Variants in AR observed in about 807,000 individuals in gnomAD.
The protein encoded by AR is dihydrotestosterone receptor.
AR carries 8 observed loss-of-function variants against 53.9 expected under a neutral mutation model. The ratio of observed to expected loss-of-function variants is 0.15; its 90% CI spans 0.09 to 0.27. The LOEUF is 0.27. Among genes scored for constraint, AR ranks in the 10% least tolerant of loss-of-function variants. The probability of loss-of-function intolerance (pLI) is 1.00; values close to 1 mark genes in which losing one functional copy is unlikely to be tolerated. For synonymous variants in AR, 359 were observed against 316.4 expected, an observed-to-expected ratio of 1.13 and a Z score of -1.43; for missense variants, 639 against 742.5, an observed-to-expected ratio of 0.86 and a Z score of 1.62.
Position 67,551,010 on chromosome X carries a change from T to G in AR, c.1616+4248T>G, listed in dbSNP as rs1005610921. On this transcript the variant is annotated intron_variant, in intron 1 of 7. Transcript: ENST00000374690. ...CAAAATGAATAGCTGGGTTTTTTTT[T>G]TTTTTTTTTTTTTTACCTTGAGGTT... 1.7e-4 allele frequency among the ~76,000 whole-genome samples: 18 copies of G among 103,552 alleles called. No individual in the cohort carries two copies. The East Asian group carries it at 4.7e-3, about 27-fold the overall frequency. The allele number at this position is 103,552 out of a possible 115,157, so 89.9% of individuals were successfully genotyped here.
chrX:67,548,410 CA>C (rs747808815), intron 1 of AR, among the ~76,000 whole-genome samples: 3 of 111,300 alleles, frequency 2.7e-5, no homozygotes, highest in African/African-American at 9.8e-5. Flanking sequence ...TGCTATGGGA[CA>C]AAAAAAGTAT....
chrX:67,708,627 C>A (rs898467441), intron 3 of AR, among the ~76,000 whole-genome samples: 4 of 111,763 alleles, frequency 3.6e-5, no homozygotes, highest in African/African-American at 1.3e-4. Context: ...TCATCTGAAG[C>A]CTTCTCTCAA....
At chrX:67,570,827 T>C in intron 1 of AR, among the ~76,000 whole-genome samples, 1 of 111,127 alleles carries the variant, frequency 9.0e-6, no homozygotes, top group East Asian at 2.9e-4. Context: ...TTACTACAGA[T>C]GGTGTCTTAG....
At chrX:67,640,198 G>A (rs1461253951) in intron 1 of AR, among the ~76,000 whole-genome samples, 1 of 111,369 alleles carries the variant, frequency 9.0e-6, no homozygotes, top group Non-Finnish European at 1.9e-5. Context: ...GCTTTTTGAT[G>A]TGCTGCTGGA....
intron 2 of AR, among the ~76,000 whole-genome samples, chrX:67,673,891 T>C (rs567864639): frequency 9.0e-6 from 1 of 111,287 alleles, no homozygotes; most frequent in Admixed American, 9.6e-5. Flanking sequence ...TAGATGTTTA[T>C]TGTAGTCTTC....
intron 1 of AR, among the ~76,000 whole-genome samples, chrX:67,632,612 A>G (rs1410921524): frequency 8.9e-6 from 1 of 111,932 alleles, no homozygotes; most frequent in African/African-American, 3.2e-5. Context: ...TGCTTCGCTC[A>G]TGCTGGGAGC....
chrX:67,622,579 G>A (rs1383100341), intron 1 of AR, among the ~76,000 whole-genome samples: 1 of 111,918 alleles, frequency 8.9e-6, no homozygotes, highest in Non-Finnish European at 1.9e-5. Context: ...GATGCATAGT[G>A]ACAAGTAATT....
intron 2 of AR, among the ~76,000 whole-genome samples, chrX:67,671,834 A>G (rs748098975): frequency 4.8e-4 from 54 of 111,807 alleles, no homozygotes; most frequent in African/African-American, 1.6e-3. Flanking sequence ...AGTTTTCCCA[A>G]CACCATTTAT....
intron 1 of AR, among the ~76,000 whole-genome samples, chrX:67,637,576 A>G: frequency 9.2e-6 from 1 of 108,405 alleles, no homozygotes; most frequent in Admixed American, 1.0e-4. Context: ...CCAGTCTATC[A>G]TTGTTGGACA....
At chrX:67,708,431 G>A (rs1243996906) in intron 3 of AR, among the ~76,000 whole-genome samples, 4 of 111,340 alleles carry the variant, frequency 3.6e-5, no homozygotes, top group Non-Finnish European at 7.5e-5. Flanking sequence ...CCAGTTGATC[G>A]AATCAGCTAC....
At chrX:67,682,770 A>T (rs1368186367) in intron 2 of AR, among the ~76,000 whole-genome samples, 1 of 111,910 alleles carries the variant, frequency 8.9e-6, no homozygotes, top group Non-Finnish European at 1.9e-5. Flanking sequence ...GATAATTCAG[A>T]TAGGAGAAGT....
intron 3 of AR, among the ~76,000 whole-genome samples, chrX:67,706,801 C>G (rs2076070021): frequency 8.9e-6 from 1 of 111,881 alleles, no homozygotes; most frequent in African/African-American, 3.3e-5. Flanking sequence ...ATAAATTTCC[C>G]TCTACACACT....
At chrX:67,625,715 A>T (rs1246991260) in intron 1 of AR, among the ~76,000 whole-genome samples, 1 of 111,577 alleles carries the variant, frequency 9.0e-6, no homozygotes, top group Admixed American at 9.6e-5. Context: ...AAAATAAAAG[A>T]TTTTGGACCA....
intron 1 of AR, among the ~76,000 whole-genome samples, chrX:67,630,786 C>G (rs1251714967): frequency 2.7e-5 from 3 of 110,187 alleles, no homozygotes; most frequent in East Asian, 5.8e-4. Flanking sequence ...ACCGGTCGTT[C>G]CTTTCCATGT....
At chrX:67,634,641 C>A (rs749264144) in intron 1 of AR, among the ~76,000 whole-genome samples, 2 of 111,326 alleles carry the variant, frequency 1.8e-5, no homozygotes, top group Non-Finnish European at 3.8e-5. Flanking sequence ...TTGCTGCCCT[C>A]GTGAATGAAC....
At chrX:67,651,736 C>G (rs1368339261) in intron 2 of AR, among the ~76,000 whole-genome samples, 4 of 111,876 alleles carry the variant, frequency 3.6e-5, no homozygotes, top group African/African-American at 1.3e-4. Flanking sequence ...AACTTGTCTT[C>G]CTAAGAAAAT....
rs1394657141 is a variant in AR at position 67,729,824 on chromosome X, G to C, written c.*5983G>C. On this transcript the variant is annotated 3_prime_UTR_variant, in exon 8 of 8. Transcript: ENST00000374690. Reference sequence around the variant, plus strand: ...CTCTGGCTGCTGCCTCACAGTATGGGAACCTGTACTCTGCAGAGGTGACAG... The same window carrying C: ...CTCTGGCTGCTGCCTCACAGTATGGCAACCTGTACTCTGCAGAGGTGACAG... 5.8e-6 allele frequency: 1 copy of C among 171,193 alleles called. No homozygotes were observed. Among genetic ancestry groups the C allele is most frequent in the African/African-American group, 3.0e-5 (1 of 33,355 alleles). 14.1% of individuals were successfully genotyped at this position (171,193 alleles called of 1,213,427 possible).
chrX:67,626,601 C>T (rs1297735015), intron 1 of AR, among the ~76,000 whole-genome samples: 10 of 73,270 alleles, frequency 1.4e-4, no homozygotes, highest in East Asian at 4.2e-4. Flanking sequence ...CCACCATGCC[C>T]GACTAATTTT....
rs202168941 is a variant in AR, at chrX:67,730,183, G to T, written c.*6342G>T. On this transcript the variant is annotated 3_prime_UTR_variant, in exon 8 of 8. Transcript: ENST00000374690. Reference sequence around the variant, plus strand: ...CAATATTGAAGGAAAAAAGAAATAAGAAGAGAGAGAGAAAGAAAGCATCAC... The same window carrying T: ...CAATATTGAAGGAAAAAAGAAATAATAAGAGAGAGAGAAAGAAAGCATCAC... The T allele has an allele frequency of 8.8e-4, 9 of 10,207 alleles. No individual in the cohort carries two copies. In the Non-Finnish European group the frequency reaches 0.057, roughly 64 times the overall value. 0.8% of individuals were successfully genotyped at this position (10,207 alleles called of 1,213,427 possible). A position where few individuals can be genotyped will look rare whatever the true frequency, so the allele number is the denominator to read the frequency against.
Sources: gnomAD v4.1 joint callset for allele counts (sites outside exome capture counted in the v4.1 genomes callset) on GRCh38, gnomAD v4.1.1 for gene constraint, MANE v1.5 for transcripts, NCBI Gene and HGNC (gene_info 2026-07-23, HGNC 2026-07-21) for gene names.